Variants in NFYA observed in about 807,000 individuals in gnomAD.
The protein encoded by NFYA is nuclear transcription factor Y subunit alpha.
In NFYA, 28 loss-of-function variants were observed where a neutral mutation model predicts 52.8. The ratio of observed to expected loss-of-function variants is 0.53; its 90% CI spans 0.39 to 0.73. NFYA has a LOEUF of 0.73. Ranked by LOEUF, NFYA falls within the 30% of genes least tolerant of loss-of-function variation. The pLI, the probability that NFYA is intolerant of heterozygous loss-of-function variation, is 0.00. For synonymous variants in NFYA, 150 were observed against 150.7 expected (o/e 1.00, Z 0.03); for missense variants, 234 against 427.0 (o/e 0.55, Z 3.98).
intron 1 of NFYA, among the ~76,000 whole-genome samples, chr6:41,074,571 C>T (rs972263551): frequency 6.6e-6 from 1 of 152,026 alleles, no homozygotes; most frequent in Non-Finnish European, 1.5e-5. Context: ...AGAGCTTGCT[C>T]GAAGAGAAGA....
At chr6:41,075,983 T>C (rs1402661290) in intron 1 of NFYA, among the ~76,000 whole-genome samples, 1 of 152,200 alleles carries the variant, frequency 6.6e-6, no homozygotes, top group Non-Finnish European at 1.5e-5. Context: ...CAGAAATCTG[T>C]AGGATGATGG....
At chr6:41,076,822 T>C (rs1482040362) in intron 1 of NFYA, among the ~76,000 whole-genome samples, 2 of 152,226 alleles carry the variant, frequency 1.3e-5, no homozygotes, top group Non-Finnish European at 2.9e-5. Flanking sequence ...TAACTGAAGC[T>C]CACAGTAGTA....
chr6:41,077,202 A>G (rs1763758279), intron 1 of NFYA, among the ~76,000 whole-genome samples: 2 of 152,206 alleles, frequency 1.3e-5, no homozygotes, highest in African/African-American at 4.8e-5. Flanking sequence ...CATTCCTTTC[A>G]TGATCCTTAT....
At chr6:41,081,844 G>C (rs989912003) in intron 3 of NFYA, among the ~76,000 whole-genome samples, 2 of 152,100 alleles carry the variant, frequency 1.3e-5, no homozygotes, top group Non-Finnish European at 2.9e-5. Flanking sequence ...TAAGTCTTAG[G>C]TGTTAAAGCC....
chr6:41,097,438 A>G lies in NFYA; in HGVS notation c.*28A>G, dbSNP rs1425808201. 3.1e-6 allele frequency: 5 copies of G among 1,610,680 alleles called. No individual in the cohort carries two copies. The African/African-American group carries it at 6.7e-5, about 22-fold the overall frequency. On this transcript the variant is annotated 3_prime_UTR_variant, in exon 10 of 10. Transcript: ENST00000341376. ...CCACGCCATGTGATGGAGCTGATCAAGGTCATGTTTCTCACTGTTCCAGGA... is the reference window on the plus strand; with the variant it reads ...CCACGCCATGTGATGGAGCTGATCAGGGTCATGTTTCTCACTGTTCCAGGA...
intron 5 of NFYA, 54 bp downstream of exon 5, chr6:41,089,764 T>C (rs187267650): frequency 1.3e-5 from 20 of 1,586,002 alleles, no homozygotes; most frequent in Admixed American, 8.9e-5. Context: ...AAGAGTCAGA[T>C]AACTGAGTCA....
Position 41,084,188 on chromosome 6 carries a change from A to C in NFYA, c.305A>C (p.Gln102Pro). Residue 102 changes from glutamine (Q) to proline (P), a missense_variant, in exon 4 of 10, where the codon CAG becomes CCG. Physicochemically the swap from Gln to Pro is moderately conservative, Grantham distance 76. Coordinates refer to ENST00000341376, the MANE Select transcript of NFYA (RefSeq NM_002505.5). The stretch of plus-strand genomic sequence containing the variant: ...CCTGTTTCTGGAACACAGGGTTTGC[A>C]GCAAGTGAGTAATATTTAAAAATAT... Reference protein sequence around the residue: ...QVPVSGTQGLQQIQLVPPGQI... With the variant: ...QVPVSGTQGLPQIQLVPPGQI... The C allele has an allele frequency of 6.2e-7, 1 of 1,613,858 alleles. No individual in the cohort carries two copies. The highest frequency in any genetic ancestry group is 8.5e-7 in the Non-Finnish European group (1 of 1,179,918).
intron 2 of NFYA, among the ~76,000 whole-genome samples, chr6:41,080,182 T>C (rs764391727): frequency 1.3e-5 from 2 of 152,198 alleles, no homozygotes; most frequent in Non-Finnish European, 2.9e-5. Flanking sequence ...GGCATGGTGC[T>C]GCATGCCTGT....
intron 9 of NFYA, among the ~76,000 whole-genome samples, chr6:41,096,575 T>C (rs1200566357): frequency 6.6e-6 from 1 of 152,236 alleles, no homozygotes; most frequent in Admixed American, 6.5e-5. Flanking sequence ...GCTAGTTGTT[T>C]TTGCTCATTG....
intron 4 of NFYA, among the ~76,000 whole-genome samples, chr6:41,086,571 T>G (rs1764051766): frequency 6.6e-6 from 1 of 152,158 alleles, no homozygotes; most frequent in South Asian, 2.1e-4. Flanking sequence ...GAAGACTACT[T>G]CTTAACCTTT....
At chr6:41,096,418 G>C (rs1764359563) in intron 9 of NFYA, among the ~76,000 whole-genome samples, 1 of 152,218 alleles carries the variant, frequency 6.6e-6, no homozygotes, top group Non-Finnish European at 1.5e-5. Context: ...CTAACAATAT[G>C]ATCTTGGTCA....
rs531618567 is a variant in NFYA at position 41,094,284 on chromosome 6, T to C, written c.889-112T>C. The stretch of plus-strand genomic sequence containing the variant: ...GTCATTCTAAGTCATAATTGTCCCT[T>C]GTGACTTTGATCCCAGCTGTCTTAA... On this transcript the variant is annotated intron_variant, in intron 8 of 9. Transcript: ENST00000341376. 3.6e-6 allele frequency: 3 copies of C among 834,430 alleles called. No homozygotes were observed. The African/African-American group carries it at 5.1e-5, about 14-fold the overall frequency. The allele number at this position is 834,430 out of a possible 1,614,324, so 51.7% of individuals were successfully genotyped here.
chr6:41,094,276 T>C, intron 8 of NFYA, 120 bp from the exon 9 acceptor site: 1 of 752,990 alleles, frequency 1.3e-6, no homozygotes, highest in East Asian at 2.7e-5. Context: ...TAAGTCATAA[T>C]TGTCCCTTGT....
chr6:41,077,787 G>A (rs894567064), intron 1 of NFYA, among the ~76,000 whole-genome samples: 5 of 152,164 alleles, frequency 3.3e-5, no homozygotes, highest in Non-Finnish European at 7.3e-5. Flanking sequence ...AATTTACCTA[G>A]CGAGCATTCC....
intron 4 of NFYA, among the ~76,000 whole-genome samples, chr6:41,085,872 C>T (rs1041314223): frequency 4.0e-5 from 6 of 151,532 alleles, no homozygotes; most frequent in Admixed American, 2.0e-4. Flanking sequence ...CATTTGGGCA[C>T]GATAGTTTTA....
rs369447772 is a variant in NFYA, at chr6:41,095,110, G to A, written c.990+613G>A. Among the ~76,000 whole-genome samples the A allele has an allele frequency of 1.7e-4, 26 of 152,206 alleles. 2 individuals carry two copies. The South Asian group carries it at 5.4e-3, about 32-fold the overall frequency. Reference sequence around the variant, plus strand: ...TCTAGCCTACTCTCCACATCCTAGTGTGATCTTTTTAAAATGTTTATCCTA... The same window carrying A: ...TCTAGCCTACTCTCCACATCCTAGTATGATCTTTTTAAAATGTTTATCCTA... On this transcript the variant is annotated intron_variant, in intron 9 of 9. Coordinates refer to ENST00000341376, the MANE Select transcript of NFYA (RefSeq NM_002505.5).
At chr6:41,088,418 G>A (rs534059129) in intron 4 of NFYA, among the ~76,000 whole-genome samples, 16 of 93,084 alleles carry the variant, frequency 1.7e-4, no homozygotes, top group Non-Finnish European at 2.4e-4. Context: ...GCGACACTCC[G>A]TCTCCAAAAA....
At chr6:41,077,763 A>G (rs1283441319) in intron 1 of NFYA, among the ~76,000 whole-genome samples, 1 of 152,192 alleles carries the variant, frequency 6.6e-6, no homozygotes, top group Non-Finnish European at 1.5e-5. Context: ...ATGTAAATCC[A>G]AATTATAGCT....
intron 9 of NFYA, among the ~76,000 whole-genome samples, chr6:41,095,535 A>G (rs979928952): frequency 5.3e-5 from 8 of 151,966 alleles, no homozygotes; most frequent in Non-Finnish European, 4.4e-5. Context: ...AGCTCAAGTG[A>G]TCCTCCCACT....
Sources: allele counts gnomAD v4.1 joint callset (sites outside exome capture counted in the v4.1 genomes callset), GRCh38; gene constraint gnomAD v4.1.1; transcripts MANE v1.5; gene names NCBI Gene and HGNC (gene_info 2026-07-23, HGNC 2026-07-21).